USP24: variants seen among roughly 807,000 people sequenced by gnomAD.
The protein encoded by USP24 is ubiquitin specific peptidase 24.
A neutral mutation model predicts 361.6 loss-of-function variants in USP24; 97 were observed. The observed-to-expected ratio is 0.27, with a 90% CI of 0.23 to 0.32. USP24 has a LOEUF of 0.32. USP24 is among the 10% of genes least tolerant of loss of function. The pLI is 1.00. For missense variants in USP24, 2,353 were observed against 3,165.6 expected (o/e 0.74, Z 6.16); for synonymous variants, 1,098 against 1,124.6 (o/e 0.98, Z 0.47).
chr1:55,104,821 T>C (rs1570412178), intron 41 of USP24, among the ~76,000 whole-genome samples: 1 of 152,184 alleles, frequency 6.6e-6, no homozygotes, highest in Non-Finnish European at 1.5e-5. Flanking sequence ...TTGCTTCTTA[T>C]CTGAACTTCA....
intron 16 of USP24, among the ~76,000 whole-genome samples, chr1:55,152,833 T>G (rs111886925): frequency 3.3e-5 from 5 of 152,152 alleles, no homozygotes; most frequent in Admixed American, 3.3e-4. Context: ...AGTTCTTCAA[T>G]GCCCCCAACT....
At chr1:55,161,651 T>A (rs747977882) in intron 8 of USP24, among the ~76,000 whole-genome samples, 2 of 152,174 alleles carry the variant, frequency 1.3e-5, no homozygotes, top group Non-Finnish European at 2.9e-5. Context: ...GTAAAACTTG[T>A]TAACTGAAAT....
intron 28 of USP24, 97 bp from the exon 29 acceptor site, chr1:55,134,510 G>T: frequency 9.2e-7 from 1 of 1,083,848 alleles, no homozygotes; most frequent in Non-Finnish European, 1.4e-6. Flanking sequence ...GTTCTGAAAG[G>T]CTGGCTGGTC....
intron 52 of USP24, 106 bp from the exon 53 acceptor site, chr1:55,093,022 A>G: frequency 1.5e-6 from 1 of 673,846 alleles, no homozygotes; most frequent in South Asian, 2.9e-5. Context: ...CACTTATAAA[A>G]AGTGAATTAT....
intron 38 of USP24, among the ~76,000 whole-genome samples, chr1:55,116,919 A>G (rs1445691744): frequency 6.6e-6 from 1 of 152,230 alleles, no homozygotes; most frequent in Non-Finnish European, 1.5e-5. Flanking sequence ...AATATCCCTT[A>G]TGAATGCTAA....
chr1:55,161,574 T>C (rs1648288990), intron 8 of USP24, among the ~76,000 whole-genome samples: 1 of 152,112 alleles, frequency 6.6e-6, no homozygotes, highest in African/African-American at 2.4e-5. Context: ...CTATAGAAGT[T>C]ATAGGGTCCA....
intron 39 of USP24, among the ~76,000 whole-genome samples, chr1:55,109,229 C>T (rs762466917): frequency 1.4e-4 from 21 of 152,320 alleles, no homozygotes; most frequent in East Asian, 3.9e-4. Context: ...CACCCACCTT[C>T]GCCTCCCAAA....
chr1:55,132,480 A>C, intron 31 of USP24, 65 bp downstream of exon 31: 1 of 1,500,834 alleles, frequency 6.7e-7, no homozygotes, highest in South Asian at 1.3e-5. Flanking sequence ...TGACATCTGA[A>C]AGCATGAATC....
chr1:55,201,099 T>G (rs965214427), intron 1 of USP24, among the ~76,000 whole-genome samples: 6 of 152,106 alleles, frequency 3.9e-5, no homozygotes, highest in Non-Finnish European at 8.8e-5. Flanking sequence ...ACAAAAAAAT[T>G]TATGCTATTT....
intron 1 of USP24, among the ~76,000 whole-genome samples, chr1:55,201,247 T>A (rs1349184614): frequency 6.6e-6 from 1 of 152,114 alleles, no homozygotes; most frequent in Non-Finnish European, 1.5e-5. Flanking sequence ...CAGTTTAGTA[T>A]CTCCTGTGTC....
chr1:55,205,174 G>A (rs1166529252), intron 1 of USP24, among the ~76,000 whole-genome samples: 1 of 152,142 alleles, frequency 6.6e-6, no homozygotes, highest in Non-Finnish European at 1.5e-5. Flanking sequence ...GGCCAAAAAA[G>A]GGGCTCTAAA....
chr1:55,171,998 G>A (rs1337968229), intron 4 of USP24, among the ~76,000 whole-genome samples: 1 of 152,180 alleles, frequency 6.6e-6, no homozygotes, highest in African/African-American at 2.4e-5. Context: ...ACTGAGGGCA[G>A]AAGTCAGGAG....
chr1:55,129,661 G>T, intron 31 of USP24, 87 bp from the exon 32 acceptor site: 1 of 1,037,918 alleles, frequency 9.6e-7, no homozygotes, highest in Non-Finnish European at 1.5e-6. Flanking sequence ...GACAACTTGA[G>T]TTAGAATCTC....
chr1:55,076,758 A>G (rs1316906553), intron 62 of USP24, among the ~76,000 whole-genome samples: 1 of 152,216 alleles, frequency 6.6e-6, no homozygotes, highest in African/African-American at 2.4e-5. Context: ...CTGAGAGTGG[A>G]AAGAATCCTA....
intron 10 of USP24, among the ~76,000 whole-genome samples, chr1:55,158,107 T>C (rs1647880640): frequency 6.6e-6 from 1 of 152,198 alleles, no homozygotes. Context: ...CAAATGCAGG[T>C]AGAGAGGCAG....
intron 7 of USP24, among the ~76,000 whole-genome samples, chr1:55,165,524 A>G (rs887082533): frequency 6.6e-6 from 1 of 152,170 alleles, no homozygotes; most frequent in African/African-American, 2.4e-5. Context: ...GCCTGAGTCT[A>G]TGAAGTAAAT....
intron 24 of USP24, among the ~76,000 whole-genome samples, chr1:55,140,799 T>C (rs1258776948): frequency 6.6e-6 from 1 of 152,192 alleles, no homozygotes; most frequent in East Asian, 1.9e-4. Context: ...TGACGTGGTG[T>C]TGCTTACCAG....
Position 55,098,543 on chromosome 1 carries a change from G to A in USP24, c.5386C>T (p.Gln1796Ter), listed in dbSNP as rs1645548884. ...CCCTGAAATGTATTCTTAAAAATTT[G>A]GTCTCTCCCCATTTTCTGTTGGAAT... is the stretch of plus-strand genomic sequence containing the variant. Reference protein sequence around the residue: ...DEYLKKMGRDQIFKNTFQGIY... With the variant: ...DEYLKKMGRD Residue 1796 changes from glutamine (Q) to a stop codon, truncating the protein, a stop_gained, in exon 46 of 68, where the codon CAA becomes TAA. Coordinates refer to ENST00000294383, the MANE Select transcript of USP24 (RefSeq NM_015306.3). LOFTEE classifies it high-confidence loss of function. 1 of 1,611,588 alleles carries A rather than the reference G, an allele frequency of 6.2e-7. No individual in the cohort carries two copies. The highest frequency in any genetic ancestry group is 8.5e-7 in the Non-Finnish European group (1 of 1,178,680).
At chr1:55,088,920 GT>G (rs977321197) in intron 55 of USP24, among the ~76,000 whole-genome samples, 51 of 146,278 alleles carry the variant, frequency 3.5e-4, no homozygotes, top group South Asian at 4.4e-4. Flanking sequence ...ACTACCAGGA[GT>G]TTTTTTTTTT....
Sources: allele counts gnomAD v4.1 joint callset (sites outside exome capture counted in the v4.1 genomes callset), GRCh38; gene constraint gnomAD v4.1.1; transcripts MANE v1.5; gene names NCBI Gene and HGNC (gene_info 2026-07-23, HGNC 2026-07-21).